The following GPR180 variants were observed in gnomAD, a reference collection of about 807,000 sequenced individuals.
GPR180 encodes the protein G protein-coupled receptor 180, also known as integral membrane protein GPR180.
A neutral mutation model predicts 52.6 loss-of-function variants in GPR180; 53 were observed. The ratio of observed to expected loss-of-function variants is 1.01; its 90% confidence interval spans 0.81 to 1.27. The LOEUF (loss-of-function observed/expected upper bound fraction) is 1.27, where lower values mean the gene tolerates loss of function less well. Among genes scored for constraint, GPR180 ranks in the 50% most tolerant of loss-of-function variants. The pLI is 0.00. For missense variants in GPR180, 533 were observed against 527.0 expected, an observed-to-expected ratio of 1.01 and a Z score of -0.11; for synonymous variants, 200 against 193.1, an observed-to-expected ratio of 1.04 and a Z score of -0.30.
chr13:94,604,859 C>T (rs929699433), intron 1 of GPR180, among the ~76,000 whole-genome samples: 1 of 152,064 alleles, frequency 6.6e-6, no homozygotes, highest in African/African-American at 2.4e-5. Context: ...ACGGGTGTGG[C>T]CACTGTGCCC....
chr13:94,611,729 C>G (rs1384381789), intron 2 of GPR180, among the ~76,000 whole-genome samples: 1 of 152,022 alleles, frequency 6.6e-6, no homozygotes, highest in Non-Finnish European at 1.5e-5. Context: ...TGCCCTACAA[C>G]TACCCATTGC....
rs192936619 is a variant in GPR180 at position 94,602,237 on chromosome 13, G to A, written c.145+165G>A. The stretch of plus-strand genomic sequence containing the variant: ...TTGCAGCAGCTGCCGCGAATGGTGG[G>A]ATGCGTTCCTTGCCAACCCCGCTGG... On this transcript the variant is annotated intron_variant, in intron 1 of 8. Coordinates refer to ENST00000376958, the MANE Select transcript of GPR180 (RefSeq NM_180989.6). Among the ~76,000 whole-genome samples, 310 of 152,370 alleles carry A rather than the reference G, an allele frequency of 2.0e-3. 1 individual carries two copies. The highest frequency in any genetic ancestry group is 6.9e-3 in the African/African-American group (285 of 41,586).
At chr13:94,623,641 C>T (rs892266313) in intron 7 of GPR180, among the ~76,000 whole-genome samples, 1 of 150,540 alleles carries the variant, frequency 6.6e-6, no homozygotes, top group Non-Finnish European at 1.5e-5. Context: ...GATTGGGCCA[C>T]TGCACTCCAG....
chr13:94,615,751 T>C (rs191202013), intron 3 of GPR180, among the ~76,000 whole-genome samples: 59 of 152,364 alleles, frequency 3.9e-4, no homozygotes, highest in Non-Finnish European at 6.9e-4. Flanking sequence ...GGAATAATAC[T>C]ACAGGCTCTG....
chr13:94,614,603 T>C (rs2139568206), intron 3 of GPR180, among the ~76,000 whole-genome samples: 1 of 152,318 alleles, frequency 6.6e-6, no homozygotes, highest in East Asian at 1.9e-4. Context: ...CCTCAACATC[T>C]TGAGTTGTGG....
chr13:94,622,974 A>G, intron 6 of GPR180, 135 bp from the exon 7 acceptor site: 1 of 632,982 alleles, frequency 1.6e-6, no homozygotes, highest in Non-Finnish European at 2.7e-6. Flanking sequence ...ACTGTACTTT[A>G]TTAATTAACA....
rs920848087 is a variant in GPR180, at chr13:94,619,584, T to C, written c.736+67T>C. 5 of 1,307,170 alleles carry C rather than the reference T, an allele frequency of 3.8e-6. No individual in the cohort carries two copies. In the African/African-American group the frequency reaches 7.4e-5, roughly 19 times the overall value. The allele number at this position is 1,307,170 out of a possible 1,614,324, so 81.0% of individuals were successfully genotyped here. ...CGCTATCTGCTTTTTTTTTATTTCT[T>C]GTCATAGTATAAATTTTCTGTCGAA... On this transcript the variant is annotated intron_variant, in intron 5 of 8. Coordinates refer to ENST00000376958, the MANE Select transcript of GPR180 (RefSeq NM_180989.6).
rs1195309833 is a variant in GPR180 at position 94,619,326 on chromosome 13, T to A, written c.682T>A (p.Ser228Thr). The A allele has an allele frequency of 1.9e-6, 3 of 1,613,744 alleles. No homozygotes were observed. Among genetic ancestry groups the A allele is most frequent in the Non-Finnish European group, 2.5e-6 (3 of 1,179,772 alleles). Reference sequence around the variant, plus strand: ...AGCTTTAGCTAATTACATTCATTTCTCCAGGTAACTCAAAACCACTAAAAC... The same window carrying A: ...AGCTTTAGCTAATTACATTCATTTCACCAGGTAACTCAAAACCACTAAAAC... ...GSALANYIHFSSYSKDGIGVP... is the reference protein window; with the variant it reads ...GSALANYIHFTSYSKDGIGVP... The change falls in exon 4 of 9, where the codon TCC (serine) becomes ACC (threonine). Residue 228 changes from serine (S) to threonine (T), a missense_variant. By Grantham distance (58) the Ser-to-Thr change is moderately conservative. Transcript: ENST00000376958.
At chr13:94,615,345 T>G (rs1483519275) in intron 3 of GPR180, among the ~76,000 whole-genome samples, 1 of 152,252 alleles carries the variant, frequency 6.6e-6, no homozygotes, top group Non-Finnish European at 1.5e-5. Context: ...ATTGATTTGC[T>G]ATGCTTTTTA....
At chr13:94,603,399 G>A (rs1889585830) in intron 1 of GPR180, among the ~76,000 whole-genome samples, 1 of 152,156 alleles carries the variant, frequency 6.6e-6, no homozygotes, top group Admixed American at 6.5e-5. Context: ...TCTGGTAAAC[G>A]TGGAGGAGAA....
chr13:94,623,548 C>T (rs527652076), intron 7 of GPR180, among the ~76,000 whole-genome samples: 27 of 152,170 alleles, frequency 1.8e-4, no homozygotes, highest in Non-Finnish European at 7.4e-5. Flanking sequence ...CGCTTTGTGG[C>T]GAGCACCTGT....
chr13:94,609,055 C>T (rs1188230802), intron 2 of GPR180, among the ~76,000 whole-genome samples: 1 of 152,016 alleles, frequency 6.6e-6, no homozygotes, highest in Non-Finnish European at 1.5e-5. Flanking sequence ...CGAGGAGATT[C>T]GGAGGAATTT....
intron 3 of GPR180, among the ~76,000 whole-genome samples, chr13:94,616,106 G>A (rs1337349550): frequency 6.6e-6 from 1 of 152,166 alleles, no homozygotes; most frequent in East Asian, 1.9e-4. Context: ...GCAGTTCTGA[G>A]CATCATGTCT....
intron 5 of GPR180, 111 bp downstream of exon 5, chr13:94,619,628 T>G: frequency 2.3e-6 from 2 of 876,606 alleles, no homozygotes; most frequent in Non-Finnish European, 3.6e-6. Context: ...AGAAATCAGC[T>G]TGACTGAGAA....
At chr13:94,610,002 T>C (rs1384825642) in intron 2 of GPR180, among the ~76,000 whole-genome samples, 1 of 152,194 alleles carries the variant, frequency 6.6e-6, no homozygotes, top group Non-Finnish European at 1.5e-5. Flanking sequence ...AAGGTTGAAA[T>C]TATAGTACAA....
At chr13:94,602,688 C>T (rs1889576101) in intron 1 of GPR180, among the ~76,000 whole-genome samples, 1 of 151,976 alleles carries the variant, frequency 6.6e-6, no homozygotes, top group South Asian at 2.1e-4. Flanking sequence ...TTGGAAGCTC[C>T]CTAATTTGTG....
chr13:94,612,833 G>A (rs776931823), intron 3 of GPR180, among the ~76,000 whole-genome samples: 4 of 152,094 alleles, frequency 2.6e-5, no homozygotes, highest in Non-Finnish European at 5.9e-5. Context: ...ATGATTAAAT[G>A]AGATTAGAAA....
chr13:94,608,202 G>T (rs1160511326), intron 2 of GPR180, among the ~76,000 whole-genome samples: 1 of 152,144 alleles, frequency 6.6e-6, no homozygotes, highest in Non-Finnish European at 1.5e-5. Flanking sequence ...TTTATAACAA[G>T]AACTCGTTAT....
intron 2 of GPR180, among the ~76,000 whole-genome samples, chr13:94,610,018 A>G (rs1889683899): frequency 6.6e-6 from 1 of 152,208 alleles, no homozygotes; most frequent in South Asian, 2.1e-4. Context: ...TACAACCAGC[A>G]TCCATATATC....
Sources: gnomAD v4.1 joint callset for allele counts (sites outside exome capture counted in the v4.1 genomes callset) on GRCh38, gnomAD v4.1.1 for gene constraint, MANE v1.5 for transcripts, NCBI Gene and HGNC (gene_info 2026-07-23, HGNC 2026-07-21) for gene names.